Variants in CNTNAP2 observed in about 807,000 individuals in gnomAD.
The protein encoded by CNTNAP2 is contactin associated protein 2.
In CNTNAP2, 98 loss-of-function variants were observed where a neutral mutation model predicts 155.2. The ratio of observed to expected loss-of-function variants is 0.63; its 90% CI spans 0.54 to 0.75. CNTNAP2 has a LOEUF of 0.75. CNTNAP2 is among the 30% of genes least tolerant of loss of function. The probability of loss-of-function intolerance (pLI) is 0.00; values close to 1 mark genes in which losing one functional copy is unlikely to be tolerated. For missense variants in CNTNAP2, 1,727 were observed against 1,688.1 expected (o/e 1.02, Z -0.40); for synonymous variants, 651 against 631.2 (o/e 1.03, Z -0.47).
At chr7:146,293,511 A>C (rs977305874) in intron 1 of CNTNAP2, among the ~76,000 whole-genome samples, 2 of 152,210 alleles carry the variant, frequency 1.3e-5, no homozygotes, top group East Asian at 3.9e-4. Context: ...TTCTGAAACA[A>C]TATACACTAT....
intron 21 of CNTNAP2, among the ~76,000 whole-genome samples, chr7:148,278,031 C>T (rs1796906818): frequency 6.6e-6 from 1 of 152,210 alleles, no homozygotes; most frequent in Admixed American, 6.5e-5. Flanking sequence ...CTCACACAAG[C>T]ACTTTCCAGG....
intron 4 of CNTNAP2, among the ~76,000 whole-genome samples, chr7:147,065,730 T>C (rs1475467604): frequency 6.6e-6 from 1 of 152,196 alleles, no homozygotes; most frequent in Non-Finnish European, 1.5e-5. Flanking sequence ...CTGGTTATTA[T>C]ACTGAATTCC....
chr7:146,664,824 T>C (rs1337393216), intron 1 of CNTNAP2, among the ~76,000 whole-genome samples: 1 of 152,350 alleles, frequency 6.6e-6, no homozygotes, highest in African/African-American at 2.4e-5. Flanking sequence ...TAAATAGATA[T>C]AGGACTATTT....
At chr7:146,513,507 T>A (rs1413638631) in intron 1 of CNTNAP2, among the ~76,000 whole-genome samples, 1 of 151,794 alleles carries the variant, frequency 6.6e-6, no homozygotes, top group Admixed American at 6.6e-5. Flanking sequence ...TATATAAAGC[T>A]CTTTTAAACA....
chr7:147,089,319 T>C (rs981063037), intron 4 of CNTNAP2, among the ~76,000 whole-genome samples: 1 of 152,152 alleles, frequency 6.6e-6, no homozygotes, highest in East Asian at 1.9e-4. Context: ...CACTTCTCTG[T>C]TTGTCAATGT....
At chr7:147,090,637 T>C (rs1324253524) in intron 4 of CNTNAP2, among the ~76,000 whole-genome samples, 1 of 152,168 alleles carries the variant, frequency 6.6e-6, no homozygotes, top group African/African-American at 2.4e-5. Flanking sequence ...ATATAAGTAA[T>C]AATTATAAAT....
At chr7:147,066,111 G>A (rs556514434) in intron 4 of CNTNAP2, among the ~76,000 whole-genome samples, 1 of 152,180 alleles carries the variant, frequency 6.6e-6, no homozygotes, top group Non-Finnish European at 1.5e-5. Flanking sequence ...ACAGGAGCTT[G>A]ATGTACAGAA....
chr7:147,246,984 G>A (rs1245525325), intron 8 of CNTNAP2, among the ~76,000 whole-genome samples: 1 of 152,186 alleles, frequency 6.6e-6, no homozygotes, highest in Non-Finnish European at 1.5e-5. Flanking sequence ...ACTGAACAGA[G>A]TTGGAAGAAG....
chr7:147,174,660 T>C (rs1300158445), intron 8 of CNTNAP2, among the ~76,000 whole-genome samples: 1 of 152,184 alleles, frequency 6.6e-6, no homozygotes, highest in Non-Finnish European at 1.5e-5. Context: ...ATTTAGACTC[T>C]GGGCCATTTT....
At chr7:146,278,584 A>T (rs766072114) in intron 1 of CNTNAP2, among the ~76,000 whole-genome samples, 1 of 152,214 alleles carries the variant, frequency 6.6e-6, no homozygotes, top group Non-Finnish European at 1.5e-5. Context: ...TGTGCCAAAC[A>T]CTGTGCTAGC....
intron 8 of CNTNAP2, among the ~76,000 whole-genome samples, chr7:147,200,516 C>A (rs114018278): frequency 2.1e-3 from 314 of 152,288 alleles, no homozygotes; most frequent in African/African-American, 7.1e-3. Flanking sequence ...GGACTGCAAC[C>A]AAAGCTGCCC....
At chr7:147,961,800 A>G (rs1480333049) in intron 14 of CNTNAP2, among the ~76,000 whole-genome samples, 1 of 152,156 alleles carries the variant, frequency 6.6e-6, no homozygotes, top group African/African-American at 2.4e-5. Context: ...TAATTATAAT[A>G]AAAATGCATG....
At chr7:146,784,292 A>G (rs886744201) in intron 2 of CNTNAP2, among the ~76,000 whole-genome samples, 1 of 152,174 alleles carries the variant, frequency 6.6e-6, no homozygotes. Flanking sequence ...CGCCTTTGAA[A>G]TGGCTCTGGA....
In CNTNAP2 at chr7:146,364,752, T is replaced by C. The variant is rs1407893725; in HGVS notation, c.97+247779T>C. Among the ~76,000 whole-genome samples the C allele has an allele frequency of 8.5e-5, 13 of 152,328 alleles. No homozygotes were observed. In the East Asian group the frequency reaches 2.5e-3, roughly 29 times the overall value. On this transcript the variant is annotated intron_variant, in intron 1 of 23. Transcript: ENST00000361727. ...AAGATAATTAGACACAGCCTGTTTA[T>C]GTATGGAACAATACAATGAAGGACA...
rs763122160 is a variant in CNTNAP2 at position 147,903,588 on chromosome 7, G to T, written c.2122G>T (p.Val708Phe). ...TPDGSPYTWWVGKANEKHYYW... is the reference protein window; with the variant it reads ...TPDGSPYTWWFGKANEKHYYW... ...AGATGGAAGCCCTTACACTTGGTGGGTTGGCAAAGCCAACGAGAAGCACTA... is the reference window on the plus strand; with the variant it reads ...AGATGGAAGCCCTTACACTTGGTGGTTTGGCAAAGCCAACGAGAAGCACTA... The change falls in exon 14 of 24, where the codon GTT (valine) becomes TTT (phenylalanine). Residue 708 changes from valine (V) to phenylalanine (F), a missense_variant. By Grantham distance (50) the Val-to-Phe change is conservative. Transcript: ENST00000361727. 2.5e-6 allele frequency: 4 copies of T among 1,614,180 alleles called. No homozygotes were observed. Among genetic ancestry groups the T allele is most frequent in the Admixed American group, 1.7e-5 (1 of 60,032 alleles).
chr7:147,429,582 T>G (rs1797434129), intron 10 of CNTNAP2, among the ~76,000 whole-genome samples: 1 of 152,170 alleles, frequency 6.6e-6, no homozygotes, highest in African/African-American at 2.4e-5. Context: ...AGATCCCATT[T>G]GTTTATCTTT....
intron 2 of CNTNAP2, among the ~76,000 whole-genome samples, chr7:146,819,783 CTCAACTCAGAATGTCTAGA>C (rs1293528199): frequency 1.3e-5 from 2 of 152,092 alleles, no homozygotes; most frequent in Non-Finnish European, 1.5e-5. Context: ...CTTCAAGTTT[CTCAACTCAGAATGTCTAGA>C]AGTCAGCCTT....
Position 146,943,257 on chromosome 7 carries a change from C to T in CNTNAP2, c.403-100650C>T, listed in dbSNP as rs560042334. Among the ~76,000 whole-genome samples the T allele has an allele frequency of 7.2e-5, 11 of 152,172 alleles. No homozygotes were observed. The East Asian group carries it at 1.4e-3, about 19-fold the overall frequency. ...ACTCATAAGAAAGAGAAAATGAGGC[C>T]GAGGCAGGTGGTTCACCTGAGATCA... On this transcript the variant is annotated intron_variant, in intron 3 of 23. Transcript: ENST00000361727.
chr7:146,643,497 G>C (rs1352305380), intron 1 of CNTNAP2, among the ~76,000 whole-genome samples: 6 of 151,208 alleles, frequency 4.0e-5, no homozygotes, highest in African/African-American at 7.3e-5. Context: ...TCTGAGGGCT[G>C]TGTTCTGTTC....
Sources: allele counts gnomAD v4.1 joint callset (sites outside exome capture counted in the v4.1 genomes callset), GRCh38; gene constraint gnomAD v4.1.1; transcripts MANE v1.5; gene names NCBI Gene and HGNC (gene_info 2026-07-23, HGNC 2026-07-21).